Variants in SLC35F3 observed in about 807,000 individuals in gnomAD.
The protein encoded by SLC35F3 is solute carrier family 35 member F3.
Under a neutral mutation model 49.9 loss-of-function variants are expected in SLC35F3, and 25 were observed. That is an observed-to-expected ratio of 0.50 (90% CI 0.37 to 0.70). The LOEUF (loss-of-function observed/expected upper bound fraction) is 0.70, where lower values mean the gene tolerates loss of function less well. Ranked by LOEUF, SLC35F3 falls within the 30% of genes least tolerant of loss-of-function variation. The pLI is 0.00. For missense variants in SLC35F3, 525 were observed against 639.8 expected (o/e 0.82, Z 1.94); for synonymous variants, 275 against 265.4 (o/e 1.04, Z -0.35).
chr1:234,235,776 G>A (rs1438500481), intron 3 of SLC35F3, among the ~76,000 whole-genome samples: 1 of 152,210 alleles, frequency 6.6e-6, no homozygotes, highest in African/African-American at 2.4e-5. Context: ...CTGAGCAACA[G>A]TAGAGCCAAG....
At chr1:234,240,287 T>A (rs903034057) in intron 3 of SLC35F3, among the ~76,000 whole-genome samples, 1 of 151,678 alleles carries the variant, frequency 6.6e-6, no homozygotes, top group African/African-American at 2.4e-5. Flanking sequence ...CTGGCCAACA[T>A]GACGAAACCC....
chr1:234,322,525 G>A (rs747396592), intron 7 of SLC35F3, among the ~76,000 whole-genome samples: 7 of 152,174 alleles, frequency 4.6e-5, no homozygotes, highest in Non-Finnish European at 8.8e-5. Context: ...TTCACATTGA[G>A]TAGGCTGAGG....
chr1:234,179,854 G>A (rs1352347829), intron 2 of SLC35F3, among the ~76,000 whole-genome samples: 1 of 152,192 alleles, frequency 6.6e-6, no homozygotes, highest in Non-Finnish European at 1.5e-5. Context: ...TTTGACTTCA[G>A]CAGTGGAATT....
At chr1:233,962,983 G>A (rs1161145635) in intron 2 of SLC35F3, among the ~76,000 whole-genome samples, 1 of 152,210 alleles carries the variant, frequency 6.6e-6, no homozygotes, top group East Asian at 1.9e-4. Flanking sequence ...TGAATTTTGT[G>A]CATAGCTGCA....
rs1490162728 is a variant in SLC35F3 at position 233,904,773 on chromosome 1, C to A, written c.-305C>A. ...GACTCACGCCTGCGGTGTGCTAGGG[C>A]GGCGGCGACGGTGACGGGCGTGGGG... On this transcript the variant is annotated 5_prime_UTR_variant, in exon 1 of 8. Transcript: ENST00000366618. Among the ~76,000 whole-genome samples, 1 of 151,566 alleles carries A rather than the reference C, an allele frequency of 6.6e-6. No homozygotes were observed. Among genetic ancestry groups the A allele is most frequent in the East Asian group, 1.9e-4 (1 of 5,188 alleles).
chr1:234,284,077 T>G lies in SLC35F3; in HGVS notation c.609-25024T>G, dbSNP rs372191596. Among the ~76,000 whole-genome samples, 4 of 152,228 alleles carry G rather than the reference T, an allele frequency of 2.6e-5. No homozygotes were observed. The East Asian group carries it at 5.8e-4, about 22-fold the overall frequency. ...CACACCACCACACCTGACTAATTTT[T>G]TAATTTCTTGCAGACATGGGTCTCA... On this transcript the variant is annotated intron_variant, in intron 3 of 7. Coordinates refer to ENST00000366618, the MANE Select transcript of SLC35F3 (RefSeq NM_173508.4).
intron 2 of SLC35F3, among the ~76,000 whole-genome samples, chr1:234,159,559 A>T (rs1045754806): frequency 6.6e-5 from 10 of 152,220 alleles, no homozygotes; most frequent in African/African-American, 2.4e-4. Context: ...CTCAAAAAAA[A>T]AAGAACCTAT....
At chr1:234,083,140 T>C (rs1358454398) in intron 2 of SLC35F3, among the ~76,000 whole-genome samples, 1 of 152,236 alleles carries the variant, frequency 6.6e-6, no homozygotes, top group Non-Finnish European at 1.5e-5. Flanking sequence ...ATGTTAATGA[T>C]AATGTTGGTT....
intron 2 of SLC35F3, among the ~76,000 whole-genome samples, chr1:233,965,914 G>A (rs1042149184): frequency 3.3e-5 from 5 of 152,222 alleles, no homozygotes; most frequent in African/African-American, 9.6e-5. Context: ...ATTGATAAAA[G>A]CAGTGGCTTT....
At chr1:233,954,382 A>G (rs1358444221) in intron 2 of SLC35F3, among the ~76,000 whole-genome samples, 1 of 144,412 alleles carries the variant, frequency 6.9e-6, no homozygotes, top group Non-Finnish European at 1.5e-5. Context: ...GTGTGGTGGG[A>G]GGGGCCAAAT....
intron 2 of SLC35F3, among the ~76,000 whole-genome samples, chr1:234,023,799 A>G (rs1441757706): frequency 6.6e-6 from 1 of 151,618 alleles, no homozygotes; most frequent in Non-Finnish European, 1.5e-5. Context: ...CCCCGAGCCC[A>G]ATAACGCCAA....
At chr1:234,100,400 G>C (rs1385286714) in intron 2 of SLC35F3, among the ~76,000 whole-genome samples, 1 of 152,188 alleles carries the variant, frequency 6.6e-6, no homozygotes, top group Non-Finnish European at 1.5e-5. Context: ...ATGTCTATCT[G>C]TTGTTCCTCA....
chr1:233,956,812 G>A (rs373946259), intron 2 of SLC35F3, among the ~76,000 whole-genome samples: 12 of 152,334 alleles, frequency 7.9e-5, no homozygotes, highest in East Asian at 5.8e-4. Flanking sequence ...TGGCGGAGGC[G>A]GGTAAAGAAC....
intron 3 of SLC35F3, among the ~76,000 whole-genome samples, chr1:234,269,010 C>T (rs1045704250): frequency 5.3e-5 from 8 of 151,920 alleles, no homozygotes; most frequent in African/African-American, 1.7e-4. Context: ...GAATATAAGC[C>T]CATGATAATA....
At chr1:234,311,142 T>A (rs1213173910) in intron 4 of SLC35F3, among the ~76,000 whole-genome samples, 2 of 152,218 alleles carry the variant, frequency 1.3e-5, no homozygotes, top group East Asian at 3.8e-4. Flanking sequence ...TCTCTAATAA[T>A]CATTATTCCT....
rs139271860 is a variant in SLC35F3 at position 234,244,200 on chromosome 1, C to A, written c.608+12459C>A. 2.0e-3 allele frequency among the ~76,000 whole-genome samples: 309 copies of A among 152,240 alleles called. 2 individuals carry two copies. Among genetic ancestry groups the A allele is most frequent in the African/African-American group, 7.1e-3 (294 of 41,530 alleles). On this transcript the variant is annotated intron_variant, in intron 3 of 7. Transcript: ENST00000366618. ...TGCATACTTAGATATCCTTATTGGC[C>A]AAAAGCTTCCATGTGGCTTTATTTT...
rs1657494100 is a variant in SLC35F3, at chr1:234,316,589, T to G, written c.829-13T>G. Reference sequence around the variant, plus strand: ...CCGACTTCCCTGACCAGCATTTTCTTCCGTCTGTCCAGATTGTGGCCGCCA... The same window carrying G: ...CCGACTTCCCTGACCAGCATTTTCTGCCGTCTGTCCAGATTGTGGCCGCCA... On this transcript the variant is annotated splice_polypyrimidine_tract_variant and intron_variant, in intron 4 of 7. Transcript: ENST00000366618. The G allele has an allele frequency of 6.3e-7, 1 of 1,596,866 alleles. No individual in the cohort carries two copies. Among genetic ancestry groups the G allele is most frequent in the Non-Finnish European group, 8.6e-7 (1 of 1,165,940 alleles).
chr1:234,235,767 T>A (rs1343286830), intron 3 of SLC35F3, among the ~76,000 whole-genome samples: 1 of 152,230 alleles, frequency 6.6e-6, no homozygotes, highest in Admixed American at 6.5e-5. Context: ...TCAGATATTC[T>A]GAGCAACAGT....
At chr1:234,161,337 C>G (rs766237285) in intron 2 of SLC35F3, among the ~76,000 whole-genome samples, 1 of 152,128 alleles carries the variant, frequency 6.6e-6, no homozygotes, top group Non-Finnish European at 1.5e-5. Flanking sequence ...GATTCTGGGG[C>G]GAGGATTTTA....
Sources: allele counts gnomAD v4.1 joint callset (sites outside exome capture counted in the v4.1 genomes callset), GRCh38; gene constraint gnomAD v4.1.1; transcripts MANE v1.5; gene names NCBI Gene and HGNC (gene_info 2026-07-23, HGNC 2026-07-21).